The following RASD2 variants were observed in gnomAD, a reference collection of about 807,000 sequenced individuals.
RASD2 encodes RASD family member 2.
In RASD2, 7 loss-of-function variants were observed where a neutral mutation model predicts 15.8. That is an observed-to-expected ratio of 0.44 (90% CI 0.25 to 0.83). RASD2 has a LOEUF of 0.83. Ranked by LOEUF, RASD2 falls within the 40% of genes least tolerant of loss-of-function variation. The probability of loss-of-function intolerance (pLI) is 0.20; values close to 1 mark genes in which losing one functional copy is unlikely to be tolerated. For synonymous variants in RASD2, 155 were observed against 153.6 expected (o/e 1.01, Z -0.07); for missense variants, 274 against 382.8 (o/e 0.72, Z 2.37).
rs777274133 is a variant in RASD2 at position 35,546,864 on chromosome 22, T to G, written c.55T>G (p.Ser19Ala). 4.3e-6 allele frequency: 7 copies of G among 1,613,490 alleles called. No homozygotes were observed. The highest frequency in any genetic ancestry group is 5.9e-6 in the Non-Finnish European group (7 of 1,179,868). Residue 19 changes from serine (S) to alanine (A), a missense_variant, in exon 2 of 3, where the codon TCA (serine) becomes GCA (alanine). Coordinates refer to ENST00000216127, the MANE Select transcript of RASD2 (RefSeq NM_014310.4). ...NCTLSVPAKNSYRMVVLGASR... is the reference protein window; with the variant it reads ...NCTLSVPAKNAYRMVVLGASR... Reference sequence around the variant, plus strand: ...CACGCTCAGTGTGCCCGCCAAAAACTCATACCGCATGGTGGTGCTGGGTGC... The same window carrying G: ...CACGCTCAGTGTGCCCGCCAAAAACGCATACCGCATGGTGGTGCTGGGTGC...
intron 1 of RASD2, among the ~76,000 whole-genome samples, chr22:35,542,581 C>G (rs1028990521): frequency 3.3e-5 from 5 of 152,172 alleles, no homozygotes; most frequent in Non-Finnish European, 7.3e-5. Flanking sequence ...GCCAAGCTCC[C>G]GGACTCTCAG....
chr22:35,535,830 C>A, the RASD2 span, among the ~76,000 whole-genome samples: 1 of 148,018 alleles, frequency 6.8e-6, no homozygotes, highest in Non-Finnish European at 1.5e-5. Flanking sequence ...AAGGGTCACA[C>A]AGCAAACTTC....
At chr22:35,539,012 C>T (rs1346479800), upstream of RASD2, among the ~76,000 whole-genome samples, 1 of 152,232 alleles carries the variant, frequency 6.6e-6, no homozygotes, top group African/African-American at 2.4e-5. Flanking sequence ...CTTAGCCCCT[C>T]TGTGGCCTAA....
chr22:35,544,384 T>C lies in RASD2; in HGVS notation c.-9-2417T>C, dbSNP rs58106988. 7.1e-3 allele frequency among the ~76,000 whole-genome samples: 1,076 copies of C among 152,296 alleles called. 11 individuals carry two copies. The highest frequency in any genetic ancestry group is 0.025 in the African/African-American group (1,028 of 41,554). On this transcript the variant is annotated intron_variant, in intron 1 of 2. Coordinates refer to ENST00000216127, the MANE Select transcript of RASD2 (RefSeq NM_014310.4). ...ACCCTCCTCTCTCTCATTTCCTGCC[T>C]CCCACACGTATGCCCTGGGCACCTC...
In RASD2 at chr22:35,546,825, T is replaced by C; in HGVS notation, c.16T>C (p.Ser6Pro). 6.2e-7 allele frequency: 1 copy of C among 1,613,686 alleles called. No individual in the cohort carries two copies. Residue 6 changes from serine to proline, a missense_variant, in exon 2 of 3, where the codon TCC becomes CCC. Transcript: ENST00000216127. Reference protein sequence around the residue: MMKTLSSGNCTLSVPA... With the variant: MMKTLPSGNCTLSVPA... ...GCCCCGAGCCATGATGAAGACTTTG[T>C]CCAGCGGGAACTGCACGCTCAGTGT...
At position 35,553,516 on chromosome 22, in the gene RASD2, G is replaced by T. The variant is rs1934734462; in HGVS notation, c.*1484G>T. The T allele has an allele frequency of 6.6e-6, 1 of 152,336 alleles. No individual in the cohort carries two copies. The highest frequency in any genetic ancestry group is 1.5e-5 in the Non-Finnish European group (1 of 68,048). 9.4% of individuals were successfully genotyped at this position (152,336 alleles called of 1,614,324 possible). A position where few individuals can be genotyped will look rare whatever the true frequency, so the allele number is the denominator to read the frequency against. ...TTGGGTCTTTCTGAGGTTCAGAGAG[G>T]GTAAGTAACTTCCTCCAGGTCACAC... On this transcript the variant is annotated 3_prime_UTR_variant, in exon 3 of 3. Transcript: ENST00000216127.
intron 1 of RASD2, among the ~76,000 whole-genome samples, chr22:35,546,494 G>C (rs1159676668): frequency 1.3e-5 from 2 of 152,190 alleles, no homozygotes; most frequent in Non-Finnish European, 2.9e-5. Context: ...CTTCTAGAGA[G>C]GTTAAGCTAC....
intron 2 of RASD2, among the ~76,000 whole-genome samples, chr22:35,549,453 C>T (rs901231745): frequency 6.6e-5 from 10 of 152,170 alleles, no homozygotes; most frequent in South Asian, 2.1e-4. Context: ...AGCTGCCAGA[C>T]GGGCCGATCT....
chr22:35,545,082 C>T (rs1213240225), intron 1 of RASD2, among the ~76,000 whole-genome samples: 1 of 152,184 alleles, frequency 6.6e-6, no homozygotes, highest in African/African-American at 2.4e-5. Flanking sequence ...ATCGAAGTCA[C>T]ATTAGTAGCT....
At position 35,551,658 on chromosome 22, in the gene RASD2, G is replaced by A; in HGVS notation, c.427G>A (p.Asp143Asn). ...CATGGTCATCTGTGGCAACAAGAAC[G>A]ACCACGGCGAGCTGTGCCGCCAGGT... ...LPMVICGNKN[D>N]HGELCRQVPT... The change falls in exon 3 of 3, where the codon GAC (aspartate) becomes AAC (asparagine). Residue 143 changes from aspartate (D) to asparagine (N), a missense_variant. Physicochemically the swap from Asp to Asn is conservative, Grantham distance 23. Transcript: ENST00000216127. The surrounding 1 kb of genome is among the most constrained non-coding windows in gnomAD (Gnocchi z 4.9). The A allele has an allele frequency of 1.2e-6, 2 of 1,614,100 alleles. No individual in the cohort carries two copies. The highest frequency in any genetic ancestry group is 1.7e-6 in the Non-Finnish European group (2 of 1,179,976).
Position 35,551,557 on chromosome 22 carries a change from T to C in RASD2, c.326T>C (p.Val109Ala). 6.2e-7 allele frequency: 1 copy of C among 1,613,674 alleles called. No individual in the cohort carries two copies. Among genetic ancestry groups the C allele is most frequent in the Non-Finnish European group, 8.5e-7 (1 of 1,179,856 alleles). ...GATAACCGGGAGTCCTTCGATGAGGTCAAGCGCCTTCAGAAGCAGATCCTG... is the reference window on the plus strand; with the variant it reads ...GATAACCGGGAGTCCTTCGATGAGGCCAAGCGCCTTCAGAAGCAGATCCTG... ...SLDNRESFDE[V>A]KRLQKQILEV... The change falls in exon 3 of 3, where the codon GTC (valine) becomes GCC (alanine). Residue 109 changes from valine to alanine, a missense_variant. Val to Ala is a moderately conservative substitution (Grantham distance 64, BLOSUM62 0). Transcript: ENST00000216127. This position sits in a 1 kb window ranked among gnomAD's most constrained non-coding sequence, Gnocchi z 4.9.
At chr22:35,547,850 G>A (rs939498525) in intron 2 of RASD2, among the ~76,000 whole-genome samples, 3 of 152,176 alleles carry the variant, frequency 2.0e-5, no homozygotes, top group Non-Finnish European at 2.9e-5. Flanking sequence ...TCCTGACCTC[G>A]TGATCTGCCT....
intron 2 of RASD2, among the ~76,000 whole-genome samples, chr22:35,549,630 T>G (rs1934606621): frequency 6.6e-6 from 1 of 152,178 alleles, no homozygotes; most frequent in Non-Finnish European, 1.5e-5. Context: ...TGCAGTTCCC[T>G]CCATCACCTC....
At chr22:35,545,202 G>A (rs1934464513) in intron 1 of RASD2, among the ~76,000 whole-genome samples, 1 of 152,192 alleles carries the variant, frequency 6.6e-6, no homozygotes, top group Non-Finnish European at 1.5e-5. Flanking sequence ...AGTTGGGCAG[G>A]GTGAGCAGAT....
At chr22:35,542,335 C>T (rs1185910256) in intron 1 of RASD2, among the ~76,000 whole-genome samples, 2 of 152,248 alleles carry the variant, frequency 1.3e-5, no homozygotes, top group African/African-American at 4.8e-5. Flanking sequence ...AAGAACCCAG[C>T]ATGTGTTCAG....
intron 1 of RASD2, among the ~76,000 whole-genome samples, chr22:35,543,597 G>A (rs1304054359): frequency 2.0e-5 from 3 of 152,246 alleles, no homozygotes; most frequent in South Asian, 2.1e-4. Flanking sequence ...GAAGAAAGAT[G>A]TGGAGGCAGG....
chr22:35,542,799 C>T (rs1282770568), intron 1 of RASD2, among the ~76,000 whole-genome samples: 1 of 152,158 alleles, frequency 6.6e-6, no homozygotes, highest in Non-Finnish European at 1.5e-5. Context: ...GAGAGAGGCT[C>T]AAGGGAGAAG....
intron 1 of RASD2, among the ~76,000 whole-genome samples, chr22:35,546,285 C>A (rs1322799485): frequency 6.6e-6 from 1 of 152,176 alleles, no homozygotes; most frequent in East Asian, 1.9e-4. Flanking sequence ...AGAACCACCC[C>A]CTGCCCCAGG....
upstream of RASD2, among the ~76,000 whole-genome samples, chr22:35,536,529 G>A (rs981796444): frequency 8.5e-5 from 13 of 152,114 alleles, no homozygotes; most frequent in Non-Finnish European, 1.3e-4. Context: ...GTTTCACCCC[G>A]TTAGCCAGGG....
Sources: gnomAD v4.1 joint callset for allele counts (sites outside exome capture counted in the v4.1 genomes callset) on GRCh38, gnomAD v4.1.1 for gene constraint, Gnocchi (gnomAD v3.1) non-coding constraint, MANE v1.5 for transcripts, NCBI Gene and HGNC (gene_info 2026-07-23, HGNC 2026-07-21) for gene names.